TSR1: variants seen among roughly 807,000 people sequenced by gnomAD.
TSR1 encodes the protein TSR1 ribosome maturation factor.
In TSR1, 81 loss-of-function variants were observed where a neutral mutation model predicts 90.9. The observed-to-expected ratio is 0.89, with a 90% CI of 0.74 to 1.07. The LOEUF (loss-of-function observed/expected upper bound fraction) is 1.07. TSR1 is among the 50% of genes least tolerant of loss of function. The pLI is 0.00. For missense variants in TSR1, 989 were observed against 987.3 expected (o/e 1.00, Z -0.02); for synonymous variants, 362 against 348.8 (o/e 1.04, Z -0.42).
rs2075551308 is a variant in TSR1 at position 2,323,442 on chromosome 17, G to A, written c.*754C>T. The A allele has an allele frequency of 1.4e-6, 2 of 1,416,180 alleles. No homozygotes were observed. Among genetic ancestry groups the A allele is most frequent in the Non-Finnish European group, 2.0e-6 (2 of 1,017,036 alleles). 87.7% of individuals were successfully genotyped at this position (1,416,180 alleles called of 1,614,324 possible). On this transcript the variant is annotated 3_prime_UTR_variant, in exon 15 of 15. Coordinates refer to ENST00000301364, the MANE Select transcript of TSR1 (RefSeq NM_018128.5). ...AGTAGCAAGTGACCCACGGGAACCT[G>A]ACTAGGTAACTTCATGACATGGGAG... is the stretch of plus-strand genomic sequence containing the variant.
At position 2,336,431 on chromosome 17, in the gene TSR1, G is replaced by A. The variant is rs1464052893; in HGVS notation, c.-4C>T. On this transcript the variant is annotated 5_prime_UTR_variant, in exon 1 of 15. Coordinates refer to ENST00000301364, the MANE Select transcript of TSR1 (RefSeq NM_018128.5). ...GGCCGGGGCGGTGGGCCGCCATGCCGCAGCGCGCGTGTACGGAGTCAGCAC... is the reference window on the plus strand; with the variant it reads ...GGCCGGGGCGGTGGGCCGCCATGCCACAGCGCGCGTGTACGGAGTCAGCAC... 6.2e-7 allele frequency: 1 copy of A among 1,609,272 alleles called. No homozygotes were observed. Among genetic ancestry groups the A allele is most frequent in the Non-Finnish European group, 8.5e-7 (1 of 1,179,654 alleles).
chr17:2,331,017 A>C lies in TSR1; in HGVS notation c.1589T>G (p.Phe530Cys), dbSNP rs986653885. The C allele has an allele frequency of 1.9e-6, 3 of 1,612,344 alleles. No homozygotes were observed. The South Asian group carries it at 3.3e-5, about 18-fold the overall frequency. ...TTTCCTAGTGTTAGTAAAGTTCTGA[A>C]ACTGAAATATTCGAGCATAATCTTG... ...LPQDYARIFQ[F>C]QNFTNTRKSI... The change falls in exon 9 of 15, where the codon TTT becomes TGT. Residue 530 changes from phenylalanine (F) to cysteine (C), a missense_variant. By Grantham distance (205) the Phe-to-Cys change is radical. Coordinates refer to ENST00000301364, the MANE Select transcript of TSR1 (RefSeq NM_018128.5).
chr17:2,326,510 T>A (rs556144378), intron 11 of TSR1, among the ~76,000 whole-genome samples: 1 of 152,266 alleles, frequency 6.6e-6, no homozygotes, highest in African/African-American at 2.4e-5. Flanking sequence ...ACACTGCCCT[T>A]GGCACACTAG....
chr17:2,333,658 GC>G lies in TSR1; in HGVS notation c.1039del (p.Ala347GlnfsTer30). The stretch of plus-strand genomic sequence containing the variant: ...CAAGGATTCCTGTCTACCAGGGTCT[GC>G]CTTCATTAGGACTTTAAGACCTTCT... ...MEEGLKVLMK[A>X]DPGRQESLQA... On this transcript the variant is annotated frameshift_variant, in exon 6 of 15. Transcript: ENST00000301364. LOFTEE classifies it high-confidence loss of function. The G allele has an allele frequency of 1.9e-6, 3 of 1,614,116 alleles. No individual in the cohort carries two copies. Among genetic ancestry groups the G allele is most frequent in the Non-Finnish European group, 2.5e-6 (3 of 1,180,036 alleles).
intron 8 of TSR1, 46 bp downstream of exon 8, chr17:2,332,123 A>C: frequency 6.3e-7 from 1 of 1,586,082 alleles, no homozygotes; most frequent in Non-Finnish European, 8.5e-7. Flanking sequence ...AGTTTTTAAA[A>C]ACGTATTGAC....
rs1431243647 is a variant in TSR1 at position 2,324,691 on chromosome 17, CT to C, written c.2158del (p.Arg720GlufsTer12). 1.9e-6 allele frequency: 3 copies of C among 1,614,000 alleles called. No individual in the cohort carries two copies. Among genetic ancestry groups the C allele is most frequent in the Non-Finnish European group, 2.5e-6 (3 of 1,180,036 alleles). On this transcript the variant is annotated frameshift_variant, in exon 13 of 15. Coordinates refer to ENST00000301364, the MANE Select transcript of TSR1 (RefSeq NM_018128.5). LOFTEE classifies it high-confidence loss of function. The part of the protein sequence containing the change: ...MAVVRYMFFN[R>X]EDVLWFKPVE... The stretch of plus-strand genomic sequence containing the variant: ...CCATCCTCCTCCTTCATACCCACCT[CT>C]GTTGAAGAACATGTAACGTACTACT...
chr17:2,330,952 C>A lies in TSR1; in HGVS notation c.1654G>T (p.Ala552Ser). 1 of 1,585,014 alleles carries A rather than the reference C, an allele frequency of 6.3e-7. No homozygotes were observed. The highest frequency in any genetic ancestry group is 1.2e-5 in the South Asian group (1 of 85,236). ...TGAACAAGGAGGATAGATACCTCAG[C>A]TCCTTCAACCTCTTTTTCTTCAACC... ...KEVEEKEVEG[A>S]EVGWYVTLHV... Residue 552 changes from alanine (A) to serine (S), a missense_variant, in exon 9 of 15, where the codon GCT (alanine) becomes TCT (serine). By Grantham distance (99) the Ala-to-Ser change is moderately conservative (BLOSUM62 1). Transcript: ENST00000301364.
At chr17:2,331,586 A>G (rs1397826630) in intron 8 of TSR1, among the ~76,000 whole-genome samples, 1 of 152,110 alleles carries the variant, frequency 6.6e-6, no homozygotes, top group Non-Finnish European at 1.5e-5. Flanking sequence ...ACCTTCTGCC[A>G]TGATTGTAAG....
Position 2,323,971 on chromosome 17 carries a change from G to T in TSR1, c.*225C>A. On this transcript the variant is annotated 3_prime_UTR_variant, in exon 15 of 15. Coordinates refer to ENST00000301364, the MANE Select transcript of TSR1 (RefSeq NM_018128.5). ...ACTCTTAGTTATCAGATTCTTAATG[G>T]AGAGTGGCTATTTCATTAAGATTTA... The T allele has an allele frequency of 8.3e-7, 1 of 1,207,778 alleles. No individual in the cohort carries two copies. The highest frequency in any genetic ancestry group is 1.2e-6 in the Non-Finnish European group (1 of 860,766). The allele number at this position is 1,207,778 out of a possible 1,614,324, so 74.8% of individuals were successfully genotyped here. A position where few individuals can be genotyped will look rare whatever the true frequency, so the allele number is the denominator to read the frequency against.
Position 2,325,329 on chromosome 17 carries a change from C to A in TSR1, c.1995G>T (p.Val665=). The change falls in exon 12 of 15, where the codon GTG becomes GTT. Residue 665 remains valine (V), a synonymous_variant. Coordinates refer to ENST00000301364, the MANE Select transcript of TSR1 (RefSeq NM_018128.5). ...CATTGCTTTTTTGCTTGAAAAGCAG[C>A]ACAGATGCAGGAGGAAAAGTGATTG... ...YAPITFPPAS[V]LLFKQKSNGM... is the part of the protein sequence containing the mutation. 1 of 1,612,970 alleles carries A rather than the reference C, an allele frequency of 6.2e-7. No individual in the cohort carries two copies. Among genetic ancestry groups the A allele is most frequent in the South Asian group, 1.1e-5 (1 of 90,778 alleles).
chr17:2,335,444 T>G, intron 3 of TSR1, 50 bp from the exon 4 acceptor site: 1 of 1,571,726 alleles, frequency 6.4e-7, no homozygotes, highest in Non-Finnish European at 8.6e-7. Context: ...CAGCACATTA[T>G]TCTAAAAAAA....
At chr17:2,332,126 G>A (rs748415068) in intron 8 of TSR1, 43 bp downstream of exon 8, 34 of 1,589,866 alleles carry the variant, frequency 2.1e-5, no homozygotes, top group South Asian at 4.6e-5. Flanking sequence ...TTTTAAAAAC[G>A]TATTGACTGA....
In TSR1 at chr17:2,334,778, AGTGTCTAAC is replaced by A; in HGVS notation, c.666_674del (p.Leu222_Thr225delinsPhe). The A allele has an allele frequency of 6.2e-7, 1 of 1,614,194 alleles. No individual in the cohort carries two copies. ...TAAGCAGCATCCCTGCCTCCTGTTG[AGTGTCTAAC>A]AAGAGGAGTTTGTCATGCGGAAAGC... is the stretch of plus-strand genomic sequence containing the variant. On this transcript the variant is annotated inframe_deletion, in exon 5 of 15. Coordinates refer to ENST00000301364, the MANE Select transcript of TSR1 (RefSeq NM_018128.5).
chr17:2,323,792 T>C lies in TSR1; in HGVS notation c.*404A>G. ...AGAACATTTGTATTGTGCTCAGTGG[T>C]GGAAATGTAGACTTAACCTCCTCCA... On this transcript the variant is annotated 3_prime_UTR_variant, in exon 15 of 15. Coordinates refer to ENST00000301364, the MANE Select transcript of TSR1 (RefSeq NM_018128.5). The C allele has an allele frequency of 6.2e-7, 1 of 1,614,184 alleles. No individual in the cohort carries two copies. Among genetic ancestry groups the C allele is most frequent in the Non-Finnish European group, 8.5e-7 (1 of 1,180,038 alleles).
Position 2,324,533 on chromosome 17 carries a change from C to G in TSR1, c.2207G>C (p.Gly736Ala), listed in dbSNP as rs2075562594. Residue 736 changes from glycine (G) to alanine (A), a missense_variant, in exon 14 of 15, where the codon GGC (glycine) becomes GCC (alanine). Transcript: ENST00000301364. ...AGGTTCCTTGATATGTCCTCTCCGG[C>G]CCCACTTCGTTCTCAGTTCCACTGG... ...FKPVELRTKW[G>A]RRGHIKEPLG... The G allele has an allele frequency of 1.2e-6, 2 of 1,614,132 alleles. No homozygotes were observed. The highest frequency in any genetic ancestry group is 3.3e-5 in the Admixed American group (2 of 60,010).
In TSR1 at chr17:2,329,465, A is replaced by G; in HGVS notation, c.1781T>C (p.Leu594Ser). 6.2e-7 allele frequency: 1 copy of G among 1,614,160 alleles called. No homozygotes were observed. Among genetic ancestry groups the G allele is most frequent in the Non-Finnish European group, 8.5e-7 (1 of 1,180,024 alleles). ...LLPHEQKMSVLNMVVRRDPGN... is the reference protein window; with the variant it reads ...LLPHEQKMSVSNMVVRRDPGN... ...AGGGTCACGCCTCACCACCATATTC[A>G]ATACTGACATCTGGGGACCAAGTAA... Residue 594 changes from leucine (L) to serine (S), a missense_variant, in exon 11 of 15, where the codon TTG becomes TCG. Physicochemically the swap from Leu to Ser is moderately radical, Grantham distance 145. Coordinates refer to ENST00000301364, the MANE Select transcript of TSR1 (RefSeq NM_018128.5).
chr17:2,334,324 T>C, intron 5 of TSR1, 148 bp downstream of exon 5: 2 of 853,432 alleles, frequency 2.3e-6, no homozygotes, highest in South Asian at 1.7e-5. Flanking sequence ...AAATATGTGA[T>C]TTATCAACCT....
intron 6 of TSR1, 126 bp downstream of exon 6, chr17:2,333,431 G>A (rs186667182): frequency 1.1e-5 from 12 of 1,125,454 alleles, no homozygotes; most frequent in African/African-American, 9.2e-5. Flanking sequence ...CAGCATTTGA[G>A]GGTGAGGAGA....
At position 2,335,538 on chromosome 17, in the gene TSR1, G is replaced by T; in HGVS notation, c.394C>A (p.Arg132=). The change falls in exon 3 of 15, where the codon CGG becomes AGG. Residue 132 remains arginine (R), a synonymous_variant. Transcript: ENST00000301364. ...FMLLCPRLKH[R]WFFTSARPGD... is the part of the protein sequence containing the mutation. ...GGCCTTGCTGAGGTGAAAAACCACC[G>T]ATGTTTCAAGCGGGGGCACAGCAGC... 1 of 1,613,802 alleles carries T rather than the reference G, an allele frequency of 6.2e-7. No individual in the cohort carries two copies. The highest frequency in any genetic ancestry group is 8.5e-7 in the Non-Finnish European group (1 of 1,180,008).
Sources: allele counts gnomAD v4.1 joint callset (sites outside exome capture counted in the v4.1 genomes callset), GRCh38; gene constraint gnomAD v4.1.1; transcripts MANE v1.5; gene names NCBI Gene and HGNC (gene_info 2026-07-23, HGNC 2026-07-21).